The following MAML3 variants were observed in gnomAD, a reference collection of about 807,000 sequenced individuals.
MAML3 encodes the protein mastermind-like protein 3.
MAML3 carries 27 observed loss-of-function variants against 101.9 expected under a neutral mutation model. The ratio of observed to expected loss-of-function variants is 0.27; its 90% confidence interval spans 0.20 to 0.37. The LOEUF (loss-of-function observed/expected upper bound fraction) is 0.37, where lower values mean the gene tolerates loss of function less well. MAML3 is among the 10% of genes least tolerant of loss of function. MAML3 has a pLI of 1.00. For missense variants in MAML3, 1,316 were observed against 1,444.9 expected, an observed-to-expected ratio of 0.91 and a Z score of 1.45; for synonymous variants, 501 against 555.9, an observed-to-expected ratio of 0.90 and a Z score of 1.39.
intron 1 of MAML3, among the ~76,000 whole-genome samples, chr4:139,969,878 CT>C (rs1320384847): frequency 6.6e-6 from 1 of 152,168 alleles, no homozygotes; most frequent in Admixed American, 6.5e-5. Flanking sequence ...GGTGAAGCAC[CT>C]GATGGAGTAG....
chr4:139,832,906 T>C (rs1731193798), intron 2 of MAML3, among the ~76,000 whole-genome samples: 1 of 152,202 alleles, frequency 6.6e-6, no homozygotes, highest in Non-Finnish European at 1.5e-5. Context: ...ATAATAACCT[T>C]GGAAGAAGGG....
intron 1 of MAML3, among the ~76,000 whole-genome samples, chr4:139,964,604 A>C (rs891971247): frequency 1.3e-5 from 2 of 152,162 alleles, no homozygotes; most frequent in Non-Finnish European, 2.9e-5. Flanking sequence ...ATTTTTTACA[A>C]TTTGTGGTAA....
chr4:140,109,435 C>G (rs758274339), intron 1 of MAML3, among the ~76,000 whole-genome samples: 1 of 152,216 alleles, frequency 6.6e-6, no homozygotes, highest in Non-Finnish European at 1.5e-5. Flanking sequence ...CCCTAGCCCC[C>G]AAGCAAAGCT....
chr4:139,928,974 A>ATGT (rs1733324158), intron 1 of MAML3, among the ~76,000 whole-genome samples: 1 of 152,216 alleles, frequency 6.6e-6, no homozygotes, highest in African/African-American at 2.4e-5. Flanking sequence ...AGAGGAAGGG[A>ATGT]AGTATATGAG....
intron 2 of MAML3, among the ~76,000 whole-genome samples, chr4:139,869,517 T>G (rs1385897214): frequency 1.3e-5 from 2 of 152,206 alleles, no homozygotes; most frequent in African/African-American, 4.8e-5. Context: ...AATAAAAATG[T>G]CTTGCCAAAA....
chr4:139,946,911 ACACACACACACACACT>A (rs1459995765), intron 1 of MAML3, among the ~76,000 whole-genome samples: 1 of 121,490 alleles, frequency 8.2e-6, no homozygotes, highest in Non-Finnish European at 1.7e-5. Flanking sequence ...ACACACACAC[ACACACACACACACACT>A]CTCTCTCTCT....
intron 1 of MAML3, among the ~76,000 whole-genome samples, chr4:139,904,789 C>T (rs1023948454): frequency 2.6e-5 from 4 of 152,228 alleles, no homozygotes; most frequent in African/African-American, 7.2e-5. Flanking sequence ...TATCCTATTA[C>T]ACACCTGGGG....
intron 2 of MAML3, among the ~76,000 whole-genome samples, chr4:139,868,215 C>T (rs1169159545): frequency 1.3e-5 from 2 of 152,138 alleles, no homozygotes; most frequent in Admixed American, 6.5e-5. Flanking sequence ...ACTGTGCAAT[C>T]AACTGTGCAA....
intron 2 of MAML3, among the ~76,000 whole-genome samples, chr4:139,874,079 G>A (rs1185464313): frequency 1.3e-5 from 2 of 152,150 alleles, no homozygotes; most frequent in Non-Finnish European, 2.9e-5. Flanking sequence ...GTTATAAAAT[G>A]TTCAGGTAAA....
rs911986946 is a variant in MAML3, at chr4:139,730,817, C to T, written c.2080-150G>A. On this transcript the variant is annotated intron_variant, in intron 2 of 4. Transcript: ENST00000509479. ...GTGGCACGCATTGCATTTCCATAAACGTAGCTTCAAACCCGACCTTACCTG... is the reference window on the plus strand; with the variant it reads ...GTGGCACGCATTGCATTTCCATAAATGTAGCTTCAAACCCGACCTTACCTG... 3.8e-5 allele frequency: 26 copies of T among 691,428 alleles called. 2 individuals carry two copies. Among genetic ancestry groups the T allele is most frequent in the African/African-American group, 1.3e-4 (7 of 55,450 alleles). The allele number at this position is 691,428 out of a possible 1,614,324, so 42.8% of individuals were successfully genotyped here.
chr4:140,046,861 T>C (rs1030024016), intron 1 of MAML3, among the ~76,000 whole-genome samples: 1 of 152,078 alleles, frequency 6.6e-6, no homozygotes, highest in African/African-American at 2.4e-5. Context: ...ATATATATTA[T>C]ATATTTATTT....
intron 2 of MAML3, among the ~76,000 whole-genome samples, chr4:139,790,166 G>A (rs72730230): frequency 0.18 from 26,022 of 146,634 alleles, 2,464 homozygotes; most frequent in Non-Finnish European, 0.2. Context: ...ACCGAGGAGG[G>A]AAAGGGCCAC....
chr4:139,965,692 CT>C (rs1303557447), intron 1 of MAML3, among the ~76,000 whole-genome samples: 2 of 152,170 alleles, frequency 1.3e-5, no homozygotes, highest in Non-Finnish European at 2.9e-5. Context: ...ATCTGAGATT[CT>C]TTATTAAACT....
intron 2 of MAML3, among the ~76,000 whole-genome samples, chr4:139,882,824 G>A (rs928280675): frequency 6.6e-6 from 1 of 152,172 alleles, no homozygotes; most frequent in Non-Finnish European, 1.5e-5. Flanking sequence ...ACTCCAGCCT[G>A]GGCGATGGAG....
chr4:139,988,900 G>T (rs1256593005), intron 1 of MAML3, among the ~76,000 whole-genome samples: 1 of 152,098 alleles, frequency 6.6e-6, no homozygotes, highest in East Asian at 1.9e-4. Context: ...TTAAACAGGG[G>T]GCAATCACTT....
intron 1 of MAML3, among the ~76,000 whole-genome samples, chr4:140,070,819 T>C (rs1012712752): frequency 6.6e-6 from 1 of 152,212 alleles, no homozygotes; most frequent in African/African-American, 2.4e-5. Flanking sequence ...CAAATGACTT[T>C]TCCCCTCTCC....
intron 1 of MAML3, among the ~76,000 whole-genome samples, chr4:140,109,060 A>G (rs1225070264): frequency 2.0e-5 from 3 of 152,254 alleles, no homozygotes; most frequent in South Asian, 4.1e-4. Context: ...GAGACAAAGC[A>G]CCACACACTC....
At chr4:139,842,604 C>T (rs942274214) in intron 2 of MAML3, among the ~76,000 whole-genome samples, 63 of 151,850 alleles carry the variant, frequency 4.1e-4, no homozygotes, top group Non-Finnish European at 4.9e-4. Flanking sequence ...CTGCAACCTC[C>T]GCCTCCTGGT....
At chr4:139,940,703 T>C (rs1734652031) in intron 1 of MAML3, among the ~76,000 whole-genome samples, 1 of 152,198 alleles carries the variant, frequency 6.6e-6, no homozygotes, top group Non-Finnish European at 1.5e-5. Flanking sequence ...GGCTTCTCCA[T>C]AGCACACTGA....
Sources: gnomAD v4.1 joint callset for allele counts (sites outside exome capture counted in the v4.1 genomes callset) on GRCh38, gnomAD v4.1.1 for gene constraint, MANE v1.5 for transcripts, NCBI Gene and HGNC (gene_info 2026-07-23, HGNC 2026-07-21) for gene names.